The following BRCC3 variants were observed in gnomAD, a reference collection of about 807,000 sequenced individuals.
BRCC3 encodes BRCA1/BRCA2-containing complex subunit 3, also known as lys-63-specific deubiquitinase BRCC36.
In BRCC3, 15 loss-of-function variants were observed where a neutral mutation model predicts 28.0. That is an observed-to-expected ratio of 0.54 (90% confidence interval 0.36 to 0.82). BRCC3 has a LOEUF of 0.82. BRCC3 is among the 40% of genes least tolerant of loss of function. The pLI, the probability that BRCC3 is intolerant of heterozygous loss-of-function variation, is 0.01. For missense variants in BRCC3, 109 were observed against 225.9 expected, an observed-to-expected ratio of 0.48 and a Z score of 3.32; for synonymous variants, 66 against 80.3, an observed-to-expected ratio of 0.82 and a Z score of 0.95.
At chrX:155,094,932 T>A (rs2074200035) in intron 7 of BRCC3, among the ~76,000 whole-genome samples, 1 of 112,677 alleles carries the variant, frequency 8.9e-6, no homozygotes, top group African/African-American at 3.2e-5. Context: ...CATTAACAGA[T>A]GCCAACACTG....
At chrX:155,082,836 A>G (rs2074093959) in intron 5 of BRCC3, among the ~76,000 whole-genome samples, 1 of 112,325 alleles carries the variant, frequency 8.9e-6, no homozygotes. Flanking sequence ...ACAGGATCCA[A>G]TCTCAGATCA....
intron 7 of BRCC3, among the ~76,000 whole-genome samples, chrX:155,103,683 AT>A (rs1214769739): frequency 8.2e-5 from 9 of 110,416 alleles, no homozygotes; most frequent in Admixed American, 3.8e-4. Flanking sequence ...GGATTTATGT[AT>A]TTTTTTTCAT....
chrX:155,116,111 A>G lies in BRCC3; in HGVS notation c.603A>G (p.Lys201=), dbSNP rs781874695. 5.0e-6 allele frequency: 6 copies of G among 1,206,530 alleles called. No individual in the cohort carries two copies. In the African/African-American group the frequency reaches 7.0e-5, roughly 14 times the overall value. The change falls in exon 8 of 11, where the codon AAA becomes AAG. Residue 201 remains lysine, a synonymous_variant. Coordinates refer to ENST00000330045, the MANE Select transcript of BRCC3 (RefSeq NM_001018055.3). ...IHIVPHVTIG[K]VCLESAVELP... ...TTGTACCTCATGTCACTATCGGGAAAGTGTGCCTTGAATCAGCAGTAGAGC... is the reference window on the plus strand; with the variant it reads ...TTGTACCTCATGTCACTATCGGGAAGGTGTGCCTTGAATCAGCAGTAGAGC...
At position 155,121,571 on chromosome X, in the gene BRCC3, T is replaced by A. The variant is rs2074388464; in HGVS notation, c.*367T>A. The A allele has an allele frequency of 8.9e-6, 1 of 112,119 alleles. No individual in the cohort carries two copies. The highest frequency in any genetic ancestry group is 3.2e-5 in the African/African-American group (1 of 30,879). The allele number at this position is 112,119 out of a possible 1,213,427, so 9.2% of individuals were successfully genotyped here. ...ATCTTATATAAAATTTAACTCAAAA[T>A]GTATAACGGACTTAAATGTGATACA... On this transcript the variant is annotated 3_prime_UTR_variant, in exon 11 of 11. Transcript: ENST00000330045.
At chrX:155,100,040 A>T (rs782487337) in intron 7 of BRCC3, among the ~76,000 whole-genome samples, 7 of 112,025 alleles carry the variant, frequency 6.2e-5, no homozygotes, top group Non-Finnish European at 1.3e-4. Flanking sequence ...CCGTTTTGAA[A>T]TAATATTAGA....
chrX:155,101,058 T>C (rs2074244042), intron 7 of BRCC3, among the ~76,000 whole-genome samples: 1 of 110,333 alleles, frequency 9.1e-6, no homozygotes, highest in Non-Finnish European at 1.9e-5. Context: ...CAGGCTTGGC[T>C]ATTTTCTTTT....
At chrX:155,107,590 T>C (rs1207368567) in intron 7 of BRCC3, among the ~76,000 whole-genome samples, 1 of 111,594 alleles carries the variant, frequency 9.0e-6, no homozygotes, top group South Asian at 3.7e-4. Context: ...TAGGAATCCT[T>C]CTCTGATAAT....
At chrX:155,116,520 C>G (rs1425260801) in intron 8 of BRCC3, among the ~76,000 whole-genome samples, 191 bp from the exon 9 acceptor site, 1 of 111,805 alleles carries the variant, frequency 8.9e-6, no homozygotes, top group Non-Finnish European at 1.9e-5. Context: ...TGGTGAGAGA[C>G]AGCAATTTCA....
intron 7 of BRCC3, among the ~76,000 whole-genome samples, chrX:155,107,433 T>G (rs2074292097): frequency 9.0e-6 from 1 of 110,674 alleles, no homozygotes; most frequent in African/African-American, 3.3e-5. Flanking sequence ...GCCCTCAGAA[T>G]AAAGCCCCAA....
intron 7 of BRCC3, among the ~76,000 whole-genome samples, chrX:155,094,577 C>T (rs1355690603): frequency 1.8e-5 from 2 of 110,876 alleles, no homozygotes; most frequent in Non-Finnish European, 3.8e-5. Context: ...TGGGCTAATA[C>T]TTGAGCAATG....
intron 7 of BRCC3, among the ~76,000 whole-genome samples, chrX:155,106,993 T>G (rs1462380486): frequency 8.9e-6 from 1 of 112,432 alleles, no homozygotes; most frequent in African/African-American, 3.2e-5. Context: ...CATTTCATAT[T>G]TTGTATATTT....
At chrX:155,096,775 TAATC>T (rs2074212620) in intron 7 of BRCC3, among the ~76,000 whole-genome samples, 1 of 112,396 alleles carries the variant, frequency 8.9e-6, no homozygotes, top group Non-Finnish European at 1.9e-5. Flanking sequence ...AAAGCTATAA[TAATC>T]AATGCAATAT....
chrX:155,094,075 A>G lies in BRCC3; in HGVS notation c.548+3236A>G, dbSNP rs2074193487. On this transcript the variant is annotated intron_variant, in intron 7 of 10. Coordinates refer to ENST00000330045, the MANE Select transcript of BRCC3 (RefSeq NM_001018055.3). Reference sequence around the variant, plus strand: ...ATAATTTTTTTTTGTTTAATTTTTAAAATCTTCCTTGTCTATCCCTTTTTA... The same window carrying G: ...ATAATTTTTTTTTGTTTAATTTTTAGAATCTTCCTTGTCTATCCCTTTTTA... Among the ~76,000 whole-genome samples the G allele has an allele frequency of 9.0e-5, 10 of 110,988 alleles. No homozygotes were observed. The Admixed American group carries it at 9.6e-4, about 11-fold the overall frequency.
chrX:155,088,726 T>C (rs1335696605), intron 5 of BRCC3, among the ~76,000 whole-genome samples: 1 of 111,251 alleles, frequency 9.0e-6, no homozygotes, highest in Non-Finnish European at 1.9e-5. Flanking sequence ...TTTTCAAAAG[T>C]TCAGTAACCA....
rs781889631 is a variant in BRCC3 at position 155,120,030 on chromosome X, G to A, written c.756G>A (p.Ser252=). 6 of 1,206,432 alleles carry A rather than the reference G, an allele frequency of 5.0e-6. No homozygotes were observed. In the East Asian group the frequency reaches 8.9e-5, roughly 18 times the overall value. The change falls in exon 10 of 11, where the codon TCG becomes TCA. Residue 252 remains serine (S), a synonymous_variant. Coordinates refer to ENST00000330045, the MANE Select transcript of BRCC3 (RefSeq NM_001018055.3). The stretch of plus-strand genomic sequence containing the variant: ...CCAAGAATCTGTGCAGTCAGATGTC[G>A]GCAGTCAGCGGGCCTCTCCTACAGT... The part of the protein sequence containing the change: ...VFTKNLCSQM[S]AVSGPLLQWL...
chrX:155,095,916 G>A (rs782077513), intron 7 of BRCC3, among the ~76,000 whole-genome samples: 2 of 111,936 alleles, frequency 1.8e-5, no homozygotes, highest in East Asian at 5.6e-4. Flanking sequence ...GGGAGCAATA[G>A]GCTATACCAT....
intron 3 of BRCC3, among the ~76,000 whole-genome samples, chrX:155,075,039 G>C (rs2074020029): frequency 8.9e-6 from 1 of 111,827 alleles, no homozygotes; most frequent in African/African-American, 3.3e-5. Context: ...TAATTTGAAG[G>C]GTGTATTTTA....
At chrX:155,116,821 A>T in intron 9 of BRCC3, 67 bp downstream of exon 9, 1 of 853,192 alleles carries the variant, frequency 1.2e-6, no homozygotes, top group Non-Finnish European at 1.7e-6. Context: ...CAGCTGACAG[A>T]TGCAAATTTA....
Position 155,071,558 on chromosome X carries a change from G to A in BRCC3, c.31G>A (p.Ala11Thr). The A allele has an allele frequency of 9.1e-6, 11 of 1,205,829 alleles. No individual in the cohort carries two copies. Among genetic ancestry groups the A allele is most frequent in the Non-Finnish European group, 1.2e-5 (11 of 891,379 alleles). ...GGTGCAGGTGGTGCAGGCGGTGCAG[G>A]CGGTTCATCTCGAGTCTGACGCTTT... MAVQVVQAVQ[A>T]VHLESDAFLV... Residue 11 changes from alanine to threonine, a missense_variant, in exon 1 of 11, where the codon GCG becomes ACG. Physicochemically the swap from Ala to Thr is moderately conservative, Grantham distance 58. This residue lies in a region of BRCC3 where 58 missense variants were observed against 92.8 expected (regional missense o/e 0.63). Coordinates refer to ENST00000330045, the MANE Select transcript of BRCC3 (RefSeq NM_001018055.3).
Sources: allele counts gnomAD v4.1 joint callset (sites outside exome capture counted in the v4.1 genomes callset), GRCh38; gene constraint gnomAD v4.1.1; regional missense constraint gnomAD v4.1.1; transcripts MANE v1.5; gene names NCBI Gene and HGNC (gene_info 2026-07-23, HGNC 2026-07-21).